TASOR2: variants seen among roughly 807,000 people sequenced by gnomAD.
TASOR2 encodes the protein protein TASOR 2.
In TASOR2, 84 loss-of-function variants were observed where a neutral mutation model predicts 199.5. That is an observed-to-expected ratio of 0.42 (90% CI 0.35 to 0.50). TASOR2 has a LOEUF of 0.50. TASOR2 is among the 20% of genes least tolerant of loss of function. TASOR2 has a pLI of 0.02. For missense variants in TASOR2, 2,796 were observed against 2,835.9 expected, an observed-to-expected ratio of 0.99 and a Z score of 0.32; for synonymous variants, 1,103 against 1,046.6, an observed-to-expected ratio of 1.05 and a Z score of -1.04.
At chr10:5,762,230 C>T (rs1011073385) in intron 19 of TASOR2, among the ~76,000 whole-genome samples, 1 of 138,088 alleles carries the variant, frequency 7.2e-6, no homozygotes, top group African/African-American at 2.8e-5. Context: ...ACCTGGGTGG[C>T]AGAACAAGAC....
rs974802079 is a variant in TASOR2, at chr10:5,722,841, C to T, written c.147-836C>T. Among the ~76,000 whole-genome samples the T allele has an allele frequency of 2.0e-5, 3 of 151,632 alleles. No individual in the cohort carries two copies. Among genetic ancestry groups the T allele is most frequent in the Non-Finnish European group, 2.9e-5 (2 of 67,950 alleles). On this transcript the variant is annotated intron_variant, in intron 6 of 20. Transcript: ENST00000328090. This position sits in a 1 kb window ranked among gnomAD's most constrained non-coding sequence, Gnocchi z 4.0. ...TGGCCAATACGGTGAAACGCTGTCT[C>T]CACTGAAAATACAAAAATTAGCTGG...
At chr10:5,696,435 T>G (rs1837163260) in intron 1 of TASOR2, among the ~76,000 whole-genome samples, 2 of 152,214 alleles carry the variant, frequency 1.3e-5, no homozygotes, top group African/African-American at 4.8e-5. Flanking sequence ...TAACTCACTA[T>G]AGCGTTGAAC....
rs1026203327 is a variant in TASOR2 at position 5,737,891 on chromosome 10, A to G, written c.1448-1727A>G. Reference sequence around the variant, plus strand: ...TTTAAAGTTTCAAAATGTGTGTTCAAATACAGGCTGATTTGTATTGCAAAT... The same window carrying G: ...TTTAAAGTTTCAAAATGTGTGTTCAGATACAGGCTGATTTGTATTGCAAAT... On this transcript the variant is annotated intron_variant, in intron 12 of 20. Transcript: ENST00000328090. The surrounding 1 kb of genome is among the most constrained non-coding windows in gnomAD (Gnocchi z 4.9). 2.0e-5 allele frequency among the ~76,000 whole-genome samples: 3 copies of G among 152,238 alleles called. No homozygotes were observed. The highest frequency in any genetic ancestry group is 4.8e-5 in the African/African-American group (2 of 41,464).
Position 5,685,001 on chromosome 10 carries a change from A to G in TASOR2, c.-462A>G. ...GGCGAGGACCCCGGGGCTGGGGCGG[A>G]CGGCGTGCCCCTGAGGGGGGTCCCC... On this transcript the variant is annotated 5_prime_UTR_variant, in exon 1 of 21. Transcript: ENST00000328090. This position sits in a 1 kb window ranked among gnomAD's most constrained non-coding sequence, Gnocchi z 5.4. 2.5e-6 allele frequency: 1 copy of G among 397,162 alleles called. No homozygotes were observed. 24.6% of individuals were successfully genotyped at this position (397,162 alleles called of 1,614,324 possible).
chr10:5,730,601 A>G lies in TASOR2; in HGVS notation c.602A>G (p.His201Arg), dbSNP rs778679539. 19 of 1,614,108 alleles carry G rather than the reference A, an allele frequency of 1.2e-5. 2 individuals are homozygous for G. The South Asian group carries it at 2.1e-4, about 18-fold the overall frequency. Reference sequence around the variant, plus strand: ...AAATCACTTCCTGAAGAAAGAATCCATCCAAACACATTAGTAAAGCGTCAT... The same window carrying G: ...AAATCACTTCCTGAAGAAAGAATCCGTCCAAACACATTAGTAAAGCGTCAT... Residue 201 changes from histidine (H) to arginine (R), a missense_variant, in exon 11 of 21, where the codon CAT (histidine) becomes CGT (arginine). By Grantham distance (29) the His-to-Arg change is conservative. Transcript: ENST00000328090. The surrounding 1 kb of genome is among the most constrained non-coding windows in gnomAD (Gnocchi z 4.1).
chr10:5,697,164 C>T (rs993312879), intron 1 of TASOR2, among the ~76,000 whole-genome samples: 3 of 152,144 alleles, frequency 2.0e-5, no homozygotes, highest in Admixed American at 6.5e-5. Context: ...TTCATTGTAC[C>T]GAATGTATAG....
intron 2 of TASOR2, among the ~76,000 whole-genome samples, chr10:5,717,335 G>A (rs931161805): frequency 2.6e-5 from 4 of 152,080 alleles, no homozygotes; most frequent in Admixed American, 6.6e-5. Flanking sequence ...TGGTCTTTGT[G>A]TCTGTGACCC....
In TASOR2 at chr10:5,689,481, TC is replaced by T. The variant is rs1326648508; in HGVS notation, c.-288+4309del. On this transcript the variant is annotated intron_variant, in intron 1 of 20. Coordinates refer to ENST00000328090, the Ensembl canonical transcript of TASOR2. The surrounding 1 kb of genome is among the most constrained non-coding windows in gnomAD (Gnocchi z 4.1). ...CCGGCATGGGGGTGCGCGCCTGTAG[TC>T]CCAGCTACTCGGGAGGCTGAGGCAG... is the stretch of plus-strand genomic sequence containing the variant. Among the ~76,000 whole-genome samples, 1 of 152,124 alleles carries T rather than the reference TC, an allele frequency of 6.6e-6. No individual in the cohort carries two copies. Among genetic ancestry groups the T allele is most frequent in the Non-Finnish European group, 1.5e-5 (1 of 68,020 alleles).
At position 5,717,655 on chromosome 10, in the gene TASOR2, A is replaced by C. The variant is rs1037399172; in HGVS notation, c.-191-4A>C. ...TGCTTAATCTATATTTTATACTTTT[A>C]CAGGTGTATACATTTCCAAATACTC... is the stretch of plus-strand genomic sequence containing the variant. On this transcript the variant is annotated splice_polypyrimidine_tract_variant and splice_region_variant and intron_variant, in intron 2 of 20. Transcript: ENST00000328090. The C allele has an allele frequency of 2.5e-6, 3 of 1,180,380 alleles. No homozygotes were observed. Among genetic ancestry groups the C allele is most frequent in the Non-Finnish European group, 3.2e-6 (3 of 940,874 alleles). 73.1% of individuals were successfully genotyped at this position (1,180,380 alleles called of 1,614,324 possible).
At chr10:5,708,252 C>T (rs909290625) in intron 1 of TASOR2, among the ~76,000 whole-genome samples, 1 of 152,106 alleles carries the variant, frequency 6.6e-6, no homozygotes. Context: ...TTTAATGTAT[C>T]ATGTTTAAAC....
Position 5,720,332 on chromosome 10 carries a change from G to T in TASOR2, c.-99-212G>T. ...GCCATCTTCTGGCTATGATTGCCAC[G>T]TGTCTGAAAATACTAACAAGGTTTC... On this transcript the variant is annotated intron_variant, in intron 3 of 20. Transcript: ENST00000328090. This position sits in a 1 kb window ranked among gnomAD's most constrained non-coding sequence, Gnocchi z 5.3. The T allele has an allele frequency of 1.0e-6, 1 of 985,292 alleles. No individual in the cohort carries two copies. The highest frequency in any genetic ancestry group is 1.2e-6 in the Non-Finnish European group (1 of 829,848). The allele number at this position is 985,292 out of a possible 1,614,324, so 61.0% of individuals were successfully genotyped here. A position where few individuals can be genotyped will look rare whatever the true frequency, so the allele number is the denominator to read the frequency against.
chr10:5,693,934 C>T (rs1024137566), intron 1 of TASOR2, among the ~76,000 whole-genome samples: 8 of 152,080 alleles, frequency 5.3e-5, no homozygotes, highest in Admixed American at 3.3e-4. Context: ...GAAAATAGAC[C>T]TCTCCCAACC....
chr10:5,749,903 T>TA lies in TASOR2; in HGVS notation c.6484dup (p.Ile2162AsnfsTer21). The TA allele has an allele frequency of 1.2e-6, 2 of 1,614,172 alleles. No homozygotes were observed. The highest frequency in any genetic ancestry group is 1.7e-6 in the Non-Finnish European group (2 of 1,180,026). ...GGACGGTCAGCCTCCTATGAAGACA[T>TA]AATCATAGACGTGTGCACCAATTTG... On this transcript the variant is annotated frameshift_variant, in exon 15 of 21. Transcript: ENST00000328090. LOFTEE classifies it high-confidence loss of function.
intron 1 of TASOR2, chr10:5,709,775 T>C: frequency 2.1e-6 from 2 of 974,474 alleles, no homozygotes; most frequent in Non-Finnish European, 2.6e-6. Flanking sequence ...TTTAAAAAAT[T>C]ATGATTTCCA....
In TASOR2 at chr10:5,742,545, C is replaced by T. The variant is rs535836064; in HGVS notation, c.2757+19C>T. ...TAATGAGGTATGTAAAGCTGAATAC[C>T]GTTAAATGTTGGCATTATTTTTGAA... On this transcript the variant is annotated intron_variant, in intron 14 of 20. Coordinates refer to ENST00000328090, the Ensembl canonical transcript of TASOR2. This position sits in a 1 kb window ranked among gnomAD's most constrained non-coding sequence, Gnocchi z 4.2. 5.7e-6 allele frequency: 9 copies of T among 1,573,818 alleles called. No individual in the cohort carries two copies. The highest frequency in any genetic ancestry group is 2.2e-5 in the East Asian group (1 of 44,684).
rs960903706 is a variant in TASOR2 at position 5,720,514 on chromosome 10, C to A, written c.-99-30C>A. 13 of 1,534,898 alleles carry A rather than the reference C, an allele frequency of 8.5e-6. No homozygotes were observed. The Admixed American group carries it at 1.8e-4, about 21-fold the overall frequency. On this transcript the variant is annotated intron_variant, in intron 3 of 20. Coordinates refer to ENST00000328090, the Ensembl canonical transcript of TASOR2. This position sits in a 1 kb window ranked among gnomAD's most constrained non-coding sequence, Gnocchi z 5.3. ...GTACATATGCAGTTCCATAGTGCTA[C>A]CCTGATAATACTTATTTTTCCTCTT... is the stretch of plus-strand genomic sequence containing the variant.
rs571509945 is a variant in TASOR2, at chr10:5,752,380, A to G, written c.6606+2353A>G. ...AGTGCTGCAGCACAGAAAGCAGAGC[A>G]TAGGGGCCTGCAGGCCGCGTGCAAA... is the stretch of plus-strand genomic sequence containing the variant. On this transcript the variant is annotated intron_variant, in intron 15 of 20. Coordinates refer to ENST00000328090, the Ensembl canonical transcript of TASOR2. This position sits in a 1 kb window ranked among gnomAD's most constrained non-coding sequence, Gnocchi z 4.4. 2.6e-5 allele frequency among the ~76,000 whole-genome samples: 4 copies of G among 152,314 alleles called. No homozygotes were observed. The East Asian group carries it at 7.7e-4, about 29-fold the overall frequency.
Position 5,720,761 on chromosome 10 carries a change from A to G in TASOR2, c.33A>G (p.Glu11=), listed in dbSNP as rs1209714744. The stretch of plus-strand genomic sequence containing the variant: ...TTCTTTCTTTTTCTGCTAGACTTGA[A>G]CGCAGTGAAAATGGTAAGAAATAGT... Residue 11 remains glutamate, a synonymous_variant, in exon 5 of 21, where the codon GAA becomes GAG. Transcript: ENST00000328090. This position sits in a 1 kb window ranked among gnomAD's most constrained non-coding sequence, Gnocchi z 5.3. 6.2e-7 allele frequency: 1 copy of G among 1,611,510 alleles called. No individual in the cohort carries two copies. Among genetic ancestry groups the G allele is most frequent in the South Asian group, 1.1e-5 (1 of 90,758 alleles).
At chr10:5,746,716 T>C (rs974566342) in exon 15 of TASOR2, 2 of 1,614,096 alleles carry the variant, frequency 1.2e-6, no homozygotes, top group Admixed American at 3.3e-5. Context: ...TGTATCCACC[T>C]CGGAAAATGC....
Sources: gnomAD v4.1 joint callset for allele counts (sites outside exome capture counted in the v4.1 genomes callset) on GRCh38, gnomAD v4.1.1 for gene constraint, Gnocchi (gnomAD v3.1) non-coding constraint, MANE v1.5 for transcripts, NCBI Gene and HGNC (gene_info 2026-07-23, HGNC 2026-07-21) for gene names.